Variants in KIF19 observed in about 807,000 individuals in gnomAD.
KIF19 encodes kinesin family member 19, also known as kinesin-like protein KIF19.
A neutral mutation model predicts 106.6 loss-of-function variants in KIF19; 98 were observed. That is an observed-to-expected ratio of 0.92 (90% CI 0.78 to 1.09). The LOEUF is 1.09. Among genes scored for constraint, KIF19 ranks in the 50% least tolerant of loss-of-function variants. The pLI, the probability that KIF19 is intolerant of heterozygous loss-of-function variation, is 0.00. For missense variants in KIF19, 1,373 were observed against 1,414.3 expected (o/e 0.97, Z 0.47); for synonymous variants, 516 against 584.2 (o/e 0.88, Z 1.68).
intron 4 of KIF19, 86 bp downstream of exon 4, chr17:74,342,803 G>A (rs2054417850): frequency 7.2e-7 from 1 of 1,382,106 alleles, no homozygotes; most frequent in Non-Finnish European, 1.0e-6. Flanking sequence ...CCCAGCTGGA[G>A]CAGGAATCCA....
rs1179838013 is a variant in KIF19, at chr17:74,341,924, G to A, written c.169G>A (p.Ala57Thr). Residue 57 changes from alanine (A) to threonine (T), a missense_variant, in exon 3 of 20, where the codon GCG (alanine) becomes ACG (threonine). This residue lies in a region of KIF19 where 348 missense variants were observed against 389.5 expected (regional missense o/e 0.89). Coordinates refer to ENST00000389916, the MANE Select transcript of KIF19 (RefSeq NM_153209.4). ...GGAGGATCCCGACGACATCCTGCGG[G>A]CGCATCGCTCCCGGGAGAAGTCCTA... Reference protein sequence around the residue: ...PMEDPDDILRAHRSREKSYLF... With the variant: ...PMEDPDDILRTHRSREKSYLF... The A allele has an allele frequency of 3.7e-6, 6 of 1,613,146 alleles. No homozygotes were observed. Among genetic ancestry groups the A allele is most frequent in the Non-Finnish European group, 5.1e-6 (6 of 1,179,344 alleles).
Position 74,346,311 on chromosome 17 carries a change from G to T in KIF19, c.778-67G>T. The T allele has an allele frequency of 2.7e-6, 4 of 1,500,180 alleles. No individual in the cohort carries two copies. The highest frequency in any genetic ancestry group is 2.5e-5 in the South Asian group (2 of 80,292). 92.9% of individuals were successfully genotyped at this position (1,500,180 alleles called of 1,614,324 possible). ...GATCACCAGGTCATTCATTGGTGGG[G>T]TGGCTGGGGAGAAACCCAGTCCCCT... On this transcript the variant is annotated intron_variant, in intron 7 of 19. Transcript: ENST00000389916. The surrounding 1 kb of genome is among the most constrained non-coding windows in gnomAD (Gnocchi z 4.6).
intron 6 of KIF19, 88 bp from the exon 7 acceptor site, chr17:74,344,673 A>G (rs1598387927): frequency 1.5e-6 from 2 of 1,367,348 alleles, no homozygotes; most frequent in South Asian, 1.4e-5. Context: ...CAGACATAGG[A>G]CCCTCCCTGC....
chr17:74,329,746 G>A (rs1001788879), intron 2 of KIF19, among the ~76,000 whole-genome samples: 7 of 152,204 alleles, frequency 4.6e-5, no homozygotes, highest in African/African-American at 1.4e-4. Flanking sequence ...GACTCGTGCT[G>A]GGATGTACAC....
rs1217614114 is a variant in KIF19, at chr17:74,350,798, GAC to G, written c.1484_1485del (p.Thr495ArgfsTer2). On this transcript the variant is annotated frameshift_variant, in exon 12 of 20. Transcript: ENST00000389916. LOFTEE classifies it high-confidence loss of function. ...YAKDDSEKDS[D>X]TGDDQPDILE... ...TAAGGACGACAGCGAGAAGGACTCA[GAC>G]ACAGGTGATGACCAACCAGACATCC... The G allele has an allele frequency of 8.1e-6, 13 of 1,614,052 alleles. No homozygotes were observed. The highest frequency in any genetic ancestry group is 2.2e-5 in the South Asian group (2 of 91,082).
Position 74,347,870 on chromosome 17 carries a change from G to A in KIF19, c.1018G>A (p.Ala340Thr), listed in dbSNP as rs769160318. 1.3e-5 allele frequency: 20 copies of A among 1,583,528 alleles called. No homozygotes were observed. In the South Asian group the frequency reaches 1.5e-4, roughly 12 times the overall value. ...FEESRNTLTYAGRAKNIKTRV... is the reference protein window; with the variant it reads ...FEESRNTLTYTGRAKNIKTRV... Reference sequence around the variant, plus strand: ...GGAGTCCCGGAACACCCTGACCTACGCCGGCCGGGCCAAGAACATTAAGAC... The same window carrying A: ...GGAGTCCCGGAACACCCTGACCTACACCGGCCGGGCCAAGAACATTAAGAC... The change falls in exon 9 of 20, where the codon GCC (alanine) becomes ACC (threonine). Residue 340 changes from alanine to threonine, a missense_variant. By Grantham distance (58) the Ala-to-Thr change is moderately conservative. Coordinates refer to ENST00000389916, the MANE Select transcript of KIF19 (RefSeq NM_153209.4).
At chr17:74,351,328 C>CAAAAAAAAAAAA (rs66627748) in intron 12 of KIF19, 3 of 79,254 alleles carry the variant, frequency 3.8e-5, no homozygotes, top group African/African-American at 1.3e-4. Flanking sequence ...ACTAAAAATA[C>CAAAAAAAAAAAA]AAAAAAAAAA....
chr17:74,342,058 TCCAGGGCCC>T (rs2054392339), intron 3 of KIF19, 72 bp downstream of exon 3: 3 of 1,131,762 alleles, frequency 2.7e-6, no homozygotes, highest in Non-Finnish European at 3.9e-6. Flanking sequence ...GGAGGGGCCC[TCCAGGGCCC>T]CTGCCTTTGA....
intron 8 of KIF19, among the ~76,000 whole-genome samples, chr17:74,347,536 C>CAAAAA (rs570278328): frequency 9.1e-6 from 1 of 109,874 alleles, no homozygotes; most frequent in Admixed American, 9.0e-5. Context: ...GACCCTGTCT[C>CAAAAA]AAAAAAAAAA....
Position 74,355,231 on chromosome 17 carries a change from T to C in KIF19, c.2916T>C (p.Gly972=). Residue 972 remains glycine (G), a synonymous_variant, in exon 20 of 20, where the codon GGT becomes GGC. Coordinates refer to ENST00000389916, the MANE Select transcript of KIF19 (RefSeq NM_153209.4). The part of the protein sequence containing the change: ...PLAVPPNPGG[G]SRRATRGPRL... ...CTGTTCCCCCCAACCCAGGTGGTGG[T>C]TCTCGACGGGCTACCCGTGGGCCCC... 6.2e-7 allele frequency: 1 copy of C among 1,612,754 alleles called. No homozygotes were observed. The highest frequency in any genetic ancestry group is 8.5e-7 in the Non-Finnish European group (1 of 1,179,644).
chr17:74,349,250 C>T lies in KIF19; in HGVS notation c.1114C>T (p.Arg372Trp), dbSNP rs551753416. Reference protein sequence around the residue: ...AQYTSIIADLRGEIQRLKRKI... With the variant: ...AQYTSIIADLWGEIQRLKRKI... ...GTACACCAGCATCATCGCTGACCTG[C>T]GGGGCGAGATCCAGCGACTCAAGCG... Residue 372 changes from arginine (R) to tryptophan (W), a missense_variant, in exon 10 of 20, where the codon CGG becomes TGG. Transcript: ENST00000389916. The T allele has an allele frequency of 2.9e-5, 47 of 1,613,606 alleles. No homozygotes were observed. In the South Asian group the frequency reaches 3.1e-4, roughly 11 times the overall value.
rs2054844518 is a variant in KIF19, at chr17:74,355,172, C to A, written c.2867-10C>A. ...CGAAACCACTGATCCTGCCCCTTTC[C>A]CTGTTGCAGGCCCGGGGGACTCCTC... On this transcript the variant is annotated splice_polypyrimidine_tract_variant and intron_variant, in intron 19 of 19. Coordinates refer to ENST00000389916, the MANE Select transcript of KIF19 (RefSeq NM_153209.4). The A allele has an allele frequency of 6.3e-7, 1 of 1,585,228 alleles. No individual in the cohort carries two copies. The highest frequency in any genetic ancestry group is 1.3e-5 in the African/African-American group (1 of 74,214).
At position 74,350,706 on chromosome 17, in the gene KIF19, G is replaced by A. The variant is rs2054675321; in HGVS notation, c.1389-1G>A. The A allele has an allele frequency of 6.2e-7, 1 of 1,613,558 alleles. No homozygotes were observed. Among genetic ancestry groups the A allele is most frequent in the African/African-American group, 1.3e-5 (1 of 74,946 alleles). On this transcript the variant is annotated splice_acceptor_variant, in intron 11 of 19. Transcript: ENST00000389916. LOFTEE classifies it high-confidence loss of function. ...TGTCTCTCTGGGTGGGGCTGCGGCAGCTGGAAGCATGAGAAGTCCCGCCGG... is the reference window on the plus strand; with the variant it reads ...TGTCTCTCTGGGTGGGGCTGCGGCAACTGGAAGCATGAGAAGTCCCGCCGG...
rs189039256 is a variant in KIF19, at chr17:74,346,497, C to T, written c.897C>T (p.Arg299=). 3.7e-4 allele frequency: 579 copies of T among 1,551,338 alleles called. No individual in the cohort carries two copies. The Middle Eastern group carries it at 4.8e-3, about 13-fold the overall frequency. The change falls in exon 8 of 20, where the codon CGC becomes CGT. Residue 299 remains arginine (R), a synonymous_variant. Transcript: ENST00000389916. The surrounding 1 kb of genome is among the most constrained non-coding windows in gnomAD (Gnocchi z 4.6). The part of the protein sequence containing the change: ...DKGSNKYINY[R]DSKLTRLLKD... ...GTAGCAACAAGTACATCAACTATCG[C>T]GACAGCAAGCTCACCCGGCTCCTGA...
chr17:74,348,342 G>T (rs1052867812), intron 9 of KIF19, among the ~76,000 whole-genome samples: 3 of 152,256 alleles, frequency 2.0e-5, no homozygotes, highest in Admixed American at 2.0e-4. Flanking sequence ...GGACAGCAAG[G>T]CTTAAGGAAG....
intron 1 of KIF19, 106 bp from the exon 2 acceptor site, chr17:74,328,319 C>A: frequency 1.0e-6 from 1 of 968,494 alleles, no homozygotes; most frequent in South Asian, 1.5e-5. Context: ...ACAAGGGAGG[C>A]CTGAGATGGC....
chr17:74,337,252 T>C (rs1186612328), intron 2 of KIF19, among the ~76,000 whole-genome samples: 1 of 151,156 alleles, frequency 6.6e-6, no homozygotes, highest in Non-Finnish European at 1.5e-5. Context: ...CTTGGACATC[T>C]GCTGTGTGCC....
intron 2 of KIF19, chr17:74,329,280 C>T (rs1308420052): frequency 6.6e-6 from 1 of 152,016 alleles, no homozygotes; most frequent in Non-Finnish European, 1.5e-5. Context: ...AACCCAGTCT[C>T]TACTGAAAAT....
chr17:74,353,829 A>G (rs1397392745), intron 17 of KIF19, among the ~76,000 whole-genome samples: 1 of 152,248 alleles, frequency 6.6e-6, no homozygotes, highest in Non-Finnish European at 1.5e-5. Context: ...GACATGTGGC[A>G]TGGAGACTTA....
Sources: gnomAD v4.1 joint callset for allele counts (sites outside exome capture counted in the v4.1 genomes callset) on GRCh38, gnomAD v4.1.1 for gene constraint, gnomAD v4.1.1 regional missense constraint, Gnocchi (gnomAD v3.1) non-coding constraint, MANE v1.5 for transcripts, NCBI Gene and HGNC (gene_info 2026-07-23, HGNC 2026-07-21) for gene names.